PKNOX2: variants seen among roughly 807,000 people sequenced by gnomAD.
PKNOX2 encodes the protein PBX/knotted 1 homeobox 2.
Under a neutral mutation model 53.1 loss-of-function variants are expected in PKNOX2, and 14 were observed. That is an observed-to-expected ratio of 0.26 (90% confidence interval 0.17 to 0.41). The LOEUF is 0.41. PKNOX2 is among the 10% of genes least tolerant of loss of function. The probability of loss-of-function intolerance (pLI) is 1.00; values close to 1 mark genes in which losing one functional copy is unlikely to be tolerated. For synonymous variants in PKNOX2, 257 were observed against 242.8 expected (o/e 1.06, Z -0.54); for missense variants, 496 against 602.8 (o/e 0.82, Z 1.85).
At chr11:125,350,291 G>A (rs545111571) in intron 3 of PKNOX2, among the ~76,000 whole-genome samples, 11 of 152,306 alleles carry the variant, frequency 7.2e-5, no homozygotes, top group Admixed American at 7.2e-4. Flanking sequence ...ACTTCAAGAG[G>A]AAATCTTGAG....
intron 1 of PKNOX2, among the ~76,000 whole-genome samples, chr11:125,195,128 C>T (rs1417144097): frequency 6.6e-6 from 1 of 152,162 alleles, no homozygotes; most frequent in East Asian, 1.9e-4. Context: ...AACCACTCCA[C>T]AAGAAACATG....
At chr11:125,262,844 C>CTCCTCTACTCACGTACCCTCCTTT (rs1944976432) in intron 2 of PKNOX2, among the ~76,000 whole-genome samples, 1 of 152,178 alleles carries the variant, frequency 6.6e-6, no homozygotes, top group African/African-American at 2.4e-5. Context: ...TTCCCTCCTG[C>CTCCTCTACTCACGTACCCTCCTTT]TCCTCTACTC....
chr11:125,383,445 T>TA (rs551704955), intron 5 of PKNOX2, among the ~76,000 whole-genome samples: 349 of 121,836 alleles, frequency 2.9e-3, no homozygotes, highest in South Asian at 8.8e-3. Context: ...CCCTCTCTGC[T>TA]AAAAAAAAAA....
At chr11:125,411,588 G>A (rs987650758) in intron 9 of PKNOX2, 158 bp from the exon 10 acceptor site, 1 of 1,045,502 alleles carries the variant, frequency 9.6e-7, no homozygotes, top group South Asian at 1.3e-5. Flanking sequence ...TCTCTGAGGG[G>A]CTGGCATGGG....
rs1301965830 is a variant in PKNOX2, at chr11:125,429,104, C to T, written c.1013+16C>T. 1 of 1,599,124 alleles carries T rather than the reference C, an allele frequency of 6.3e-7. No homozygotes were observed. The highest frequency in any genetic ancestry group is 8.6e-7 in the Non-Finnish European group (1 of 1,166,294). On this transcript the variant is annotated intron_variant, in intron 11 of 12. Transcript: ENST00000298282. ...TAAACAACTGGTGAGTTTGCATCAC[C>T]TGCATGCAGGCTCCCAGATCCAGGG... is the stretch of plus-strand genomic sequence containing the variant.
intron 10 of PKNOX2, among the ~76,000 whole-genome samples, chr11:125,412,964 C>A (rs1475442040): frequency 2.0e-5 from 3 of 152,176 alleles, no homozygotes; most frequent in Non-Finnish European, 4.4e-5. Flanking sequence ...AGAAGACTGA[C>A]TGGGTCTTGG....
At chr11:125,192,819 G>A (rs761944870) in intron 1 of PKNOX2, among the ~76,000 whole-genome samples, 1 of 152,070 alleles carries the variant, frequency 6.6e-6, no homozygotes, top group Non-Finnish European at 1.5e-5. Flanking sequence ...CGGCCAGCCA[G>A]GTCGAGGGGG....
intron 4 of PKNOX2, among the ~76,000 whole-genome samples, chr11:125,363,167 G>A (rs759751201): frequency 1.4e-4 from 21 of 152,102 alleles, no homozygotes; most frequent in African/African-American, 2.2e-4. Context: ...CGCAGAACCC[G>A]CTTCAGCCTC....
intron 2 of PKNOX2, among the ~76,000 whole-genome samples, chr11:125,259,759 G>A (rs1459299254): frequency 6.6e-6 from 1 of 152,138 alleles, no homozygotes; most frequent in African/African-American, 2.4e-5. Context: ...AGTCTGCTAT[G>A]GCTTCACACA....
intron 1 of PKNOX2, among the ~76,000 whole-genome samples, chr11:125,169,158 G>A (rs1192067748): frequency 6.6e-6 from 1 of 152,164 alleles, no homozygotes; most frequent in Non-Finnish European, 1.5e-5. Flanking sequence ...CAAACAAAAC[G>A]CAGATCCGAG....
intron 10 of PKNOX2, among the ~76,000 whole-genome samples, chr11:125,424,339 A>G (rs758118575): frequency 6.6e-6 from 1 of 152,170 alleles, no homozygotes; most frequent in Non-Finnish European, 1.5e-5. Flanking sequence ...GCTTCTCTTT[A>G]TTCTAAAAGA....
intron 1 of PKNOX2, among the ~76,000 whole-genome samples, chr11:125,233,568 G>T (rs143037849): frequency 8.2e-4 from 125 of 152,258 alleles, no homozygotes; most frequent in African/African-American, 2.8e-3. Flanking sequence ...AGAAGACATG[G>T]TCCTTTTCCT....
chr11:125,414,806 T>A (rs765640899), intron 10 of PKNOX2, among the ~76,000 whole-genome samples: 3 of 150,170 alleles, frequency 2.0e-5, no homozygotes, highest in Non-Finnish European at 3.0e-5. Flanking sequence ...AATGAGAAAA[T>A]GTATATAAAG....
intron 7 of PKNOX2, among the ~76,000 whole-genome samples, chr11:125,401,306 G>A (rs953639419): frequency 2.0e-5 from 3 of 152,128 alleles, no homozygotes; most frequent in South Asian, 2.1e-4. Flanking sequence ...AGAGAGGAAC[G>A]GCAGCAAGAG....
intron 2 of PKNOX2, among the ~76,000 whole-genome samples, chr11:125,306,066 G>T (rs958912282): frequency 6.6e-6 from 1 of 151,926 alleles, no homozygotes; most frequent in African/African-American, 2.4e-5. Context: ...TCCCCAAGGT[G>T]AGCCCCAAAA....
intron 2 of PKNOX2, among the ~76,000 whole-genome samples, chr11:125,283,930 C>G (rs1182989593): frequency 6.6e-6 from 1 of 152,192 alleles, no homozygotes; most frequent in Non-Finnish European, 1.5e-5. Context: ...CACACCGGGC[C>G]TACTTCGCTT....
chr11:125,224,846 T>C (rs1941550634), intron 1 of PKNOX2, among the ~76,000 whole-genome samples: 1 of 152,170 alleles, frequency 6.6e-6, no homozygotes, highest in African/African-American at 2.4e-5. Flanking sequence ...AAGTTATTTA[T>C]GAAACAATAT....
At chr11:125,179,469 G>A (rs1253684901) in intron 1 of PKNOX2, among the ~76,000 whole-genome samples, 1 of 151,952 alleles carries the variant, frequency 6.6e-6, no homozygotes, top group Non-Finnish European at 1.5e-5. Context: ...GAGAAAAGAC[G>A]GGAGAAAAAT....
At chr11:125,209,682 G>C (rs968223068) in intron 1 of PKNOX2, among the ~76,000 whole-genome samples, 2 of 152,040 alleles carry the variant, frequency 1.3e-5, no homozygotes, top group African/African-American at 4.8e-5. Flanking sequence ...AGGCTGGAGG[G>C]GGAGGAGGAT....
Sources: allele counts gnomAD v4.1 joint callset (sites outside exome capture counted in the v4.1 genomes callset), GRCh38; gene constraint gnomAD v4.1.1; transcripts MANE v1.5; gene names NCBI Gene and HGNC (gene_info 2026-07-23, HGNC 2026-07-21).